Variants in KCNIP4 observed in about 807,000 individuals in gnomAD.
KCNIP4 encodes potassium voltage-gated channel interacting protein 4, also known as Kv channel-interacting protein 4.
KCNIP4 carries 12 observed loss-of-function variants against 34.0 expected under a neutral mutation model. The ratio of observed to expected loss-of-function variants is 0.35; its 90% CI spans 0.23 to 0.57. The LOEUF (loss-of-function observed/expected upper bound fraction) is 0.57, where lower values mean the gene tolerates loss of function less well. Among genes scored for constraint, KCNIP4 ranks in the 20% least tolerant of loss-of-function variants. The probability of loss-of-function intolerance (pLI) is 0.83; values close to 1 mark genes in which losing one functional copy is unlikely to be tolerated. For synonymous variants in KCNIP4, 124 were observed against 102.2 expected, an observed-to-expected ratio of 1.21 and a Z score of -1.29; for missense variants, 238 against 311.7, an observed-to-expected ratio of 0.76 and a Z score of 1.78.
At chr4:21,372,016 A>G (rs1285599158) in intron 1 of KCNIP4, among the ~76,000 whole-genome samples, 2 of 147,298 alleles carry the variant, frequency 1.4e-5, no homozygotes, top group Non-Finnish European at 2.9e-5. Context: ...CCAAATTTTC[A>G]TATTTTATAA....
chr4:21,305,242 G>A (rs1712325393), intron 1 of KCNIP4, among the ~76,000 whole-genome samples: 1 of 152,140 alleles, frequency 6.6e-6, no homozygotes. Flanking sequence ...CTTGGGGTTG[G>A]CTTTTGAGGC....
chr4:21,430,417 G>C (rs866150676), intron 1 of KCNIP4, among the ~76,000 whole-genome samples: 39 of 151,688 alleles, frequency 2.6e-4, no homozygotes, highest in Admixed American at 4.6e-4. Context: ...GAACAGTATG[G>C]GGGGGTGGGG....
chr4:21,320,964 T>TTAAAAAAAAAAAAAAAAAAAAA lies in KCNIP4; in HGVS notation c.62-438256_62-438255insTTTTTTTTTTTTTTTTTTTTTA, dbSNP rs1553860312. On this transcript the variant is annotated intron_variant, in intron 1 of 8. Transcript: ENST00000382152. ...TGGGCAATAGAGCAAGAATCTGTCT[T>TTAAAAAAAAAAAAAAAAAAAAA]AAAAAAAAAAAAAAAAAAGAGGAAA... Among the ~76,000 whole-genome samples, 96 of 102,866 alleles carry TTAAAAAAAAAAAAAAAAAAAAA rather than the reference T, an allele frequency of 9.3e-4. 1 individual carries two copies. Among genetic ancestry groups the TTAAAAAAAAAAAAAAAAAAAAA allele is most frequent in the East Asian group, 5.3e-3 (20 of 3,808 alleles). The allele number at this position is 102,866 out of a possible 152,430, so 67.5% of individuals were successfully genotyped here. A position where few individuals can be genotyped will look rare whatever the true frequency, so the allele number is the denominator to read the frequency against.
At chr4:21,034,837 G>A (rs1238219720) in intron 1 of KCNIP4, among the ~76,000 whole-genome samples, 1 of 152,220 alleles carries the variant, frequency 6.6e-6, no homozygotes, top group East Asian at 1.9e-4. Context: ...AGCTCTTGGA[G>A]TTAGGTAACG....
chr4:21,500,907 A>G (rs1733268711), intron 1 of KCNIP4, among the ~76,000 whole-genome samples: 1 of 152,140 alleles, frequency 6.6e-6, no homozygotes, highest in Admixed American at 6.5e-5. Flanking sequence ...CTTAACGTGC[A>G]CTATGATGTA....
intron 6 of KCNIP4, 137 bp downstream of exon 6, chr4:20,734,491 A>T: frequency 2.1e-6 from 1 of 476,140 alleles, no homozygotes; most frequent in Non-Finnish European, 3.7e-6. Flanking sequence ...TTTTAATTGT[A>T]CATCTTTCTT....
At chr4:21,365,522 TAAA>T (rs1158843915) in intron 1 of KCNIP4, among the ~76,000 whole-genome samples, 7,457 of 113,348 alleles carry the variant, frequency 0.066, 258 homozygotes, top group East Asian at 0.12. Flanking sequence ...AATAAATAAA[TAAA>T]AAATAAAGAA....
chr4:20,980,956 T>C (rs1736007863), intron 1 of KCNIP4, among the ~76,000 whole-genome samples: 1 of 152,218 alleles, frequency 6.6e-6, no homozygotes, highest in African/African-American at 2.4e-5. Flanking sequence ...AAAGCTCTGA[T>C]AATCTAATTT....
At chr4:21,857,020 T>C (rs7667770) in intron 1 of KCNIP4, among the ~76,000 whole-genome samples, 78,389 of 151,930 alleles carry the variant, frequency 0.52, 21,223 homozygotes, top group East Asian at 0.66. Context: ...TCATGAACAG[T>C]GGCAGGAGGC....
At chr4:20,730,726 C>T (rs1747886772) in intron 8 of KCNIP4, among the ~76,000 whole-genome samples, 1 of 152,166 alleles carries the variant, frequency 6.6e-6, no homozygotes, top group African/African-American at 2.4e-5. Flanking sequence ...GGAGCAGAAA[C>T]CACTGCTCAG....
intron 1 of KCNIP4, among the ~76,000 whole-genome samples, chr4:21,798,515 A>G (rs1164967744): frequency 1.8e-4 from 7 of 38,528 alleles, no homozygotes; most frequent in African/African-American, 1.3e-3. Flanking sequence ...ACCCTGGGAA[A>G]AAAAAAAAAA....
At chr4:21,211,315 G>A (rs1438267431) in intron 1 of KCNIP4, among the ~76,000 whole-genome samples, 4 of 152,000 alleles carry the variant, frequency 2.6e-5, no homozygotes, top group Non-Finnish European at 5.9e-5. Context: ...CCCAACCCCC[G>A]GGCCACAGAC....
At chr4:21,814,241 T>C (rs984890246) in intron 1 of KCNIP4, among the ~76,000 whole-genome samples, 1 of 152,110 alleles carries the variant, frequency 6.6e-6, no homozygotes, top group African/African-American at 2.4e-5. Context: ...TGAGCAAAAA[T>C]ACTAACCTAA....
At chr4:21,392,521 G>A (rs185483486) in intron 1 of KCNIP4, among the ~76,000 whole-genome samples, 31 of 152,286 alleles carry the variant, frequency 2.0e-4, no homozygotes, top group Non-Finnish European at 2.9e-4. Context: ...TGGGGGCTTC[G>A]TGAAGGCACA....
At chr4:21,018,277 C>A (rs4348088) in intron 1 of KCNIP4, among the ~76,000 whole-genome samples, 1 of 152,002 alleles carries the variant, frequency 6.6e-6, no homozygotes, top group Non-Finnish European at 1.5e-5. Flanking sequence ...CAACAAGTAT[C>A]TGTTGAATAG....
chr4:21,885,479 C>G (rs1220094013), intron 1 of KCNIP4, among the ~76,000 whole-genome samples: 1 of 152,024 alleles, frequency 6.6e-6, no homozygotes, highest in African/African-American at 2.4e-5. Context: ...TGTCTTGTAG[C>G]CTAAGAACTG....
chr4:21,464,921 T>C (rs358566), intron 1 of KCNIP4, among the ~76,000 whole-genome samples: 1 of 151,914 alleles, frequency 6.6e-6, no homozygotes, highest in East Asian at 1.9e-4. Context: ...TCTACGACCA[T>C]GGAAAAAGTG....
intron 1 of KCNIP4, among the ~76,000 whole-genome samples, chr4:20,975,902 A>C (rs75483252): frequency 0.018 from 2,705 of 152,336 alleles, 84 homozygotes; most frequent in African/African-American, 0.062. Flanking sequence ...TATGGGATTC[A>C]AAGAGCATCT....
chr4:21,196,031 C>T (rs750652386), intron 1 of KCNIP4, among the ~76,000 whole-genome samples: 4 of 152,174 alleles, frequency 2.6e-5, no homozygotes, highest in Non-Finnish European at 2.9e-5. Context: ...TCTTCCTGCT[C>T]ATTTCTTACA....
Sources: allele counts gnomAD v4.1 joint callset (sites outside exome capture counted in the v4.1 genomes callset), GRCh38; gene constraint gnomAD v4.1.1; transcripts MANE v1.5; gene names NCBI Gene and HGNC (gene_info 2026-07-23, HGNC 2026-07-21).